LPP: variants seen among roughly 807,000 people sequenced by gnomAD.
The protein encoded by LPP is lipoma-preferred partner.
Under a neutral mutation model 60.4 loss-of-function variants are expected in LPP, and 38 were observed. The observed-to-expected ratio is 0.63, with a 90% CI of 0.49 to 0.83. The LOEUF is 0.83. Among genes scored for constraint, LPP ranks in the 40% least tolerant of loss-of-function variants. LPP has a pLI of 0.00. For synonymous variants in LPP, 328 were observed against 290.8 expected, an observed-to-expected ratio of 1.13 and a Z score of -1.30; for missense variants, 902 against 783.6, an observed-to-expected ratio of 1.15 and a Z score of -1.80.
chr3:188,616,520 G>A (rs1329927288), intron 7 of LPP, among the ~76,000 whole-genome samples: 1 of 152,146 alleles, frequency 6.6e-6, no homozygotes, highest in African/African-American at 2.4e-5. Context: ...CAGGTAGCAT[G>A]ATGCCTCCAG....
intron 7 of LPP, among the ~76,000 whole-genome samples, chr3:188,692,555 A>G (rs935747320): frequency 6.6e-6 from 1 of 152,192 alleles, no homozygotes; most frequent in Non-Finnish European, 1.5e-5. Flanking sequence ...CTCCTGAGCT[A>G]CAACCATCTC....
At chr3:188,874,086 C>A (rs1404055933) in intron 11 of LPP, among the ~76,000 whole-genome samples, 2 of 152,112 alleles carry the variant, frequency 1.3e-5, no homozygotes, top group African/African-American at 4.8e-5. Flanking sequence ...CTTCTTATAC[C>A]TGTATTTCAT....
At chr3:188,203,582 T>TATATATATTTAAATATATATAA (rs1254675175) in intron 1 of LPP, among the ~76,000 whole-genome samples, 4 of 107,674 alleles carry the variant, frequency 3.7e-5, no homozygotes, top group African/African-American at 1.5e-4. Flanking sequence ...TATTTAAATA[T>TATATATATTTAAATATATATAA]ATATATATTT....
chr3:188,203,200 A>G (rs1224388583), intron 1 of LPP, among the ~76,000 whole-genome samples: 2 of 134,630 alleles, frequency 1.5e-5, no homozygotes, highest in Non-Finnish European at 1.5e-5. Flanking sequence ...TATATTATAT[A>G]TATTAAATTA....
chr3:188,374,904 T>C (rs1354482681), intron 3 of LPP, among the ~76,000 whole-genome samples: 2 of 151,816 alleles, frequency 1.3e-5, no homozygotes, highest in Non-Finnish European at 2.9e-5. Context: ...TTATTGAGAG[T>C]TTTTAGCATG....
rs886111314 is a variant in LPP at position 188,608,409 on chromosome 3, A to C, written c.430-752A>C. 2.6e-5 allele frequency among the ~76,000 whole-genome samples: 4 copies of C among 152,118 alleles called. No homozygotes were observed. The East Asian group carries it at 7.7e-4, about 29-fold the overall frequency. Reference sequence around the variant, plus strand: ...TTGTATGTGTATTTCTAGTTTCCCTAACATCATCTATTGAAGAAATTTTCT... The same window carrying C: ...TTGTATGTGTATTTCTAGTTTCCCTCACATCATCTATTGAAGAAATTTTCT... On this transcript the variant is annotated intron_variant, in intron 6 of 11. Coordinates refer to ENST00000617246, the MANE Select transcript of LPP (RefSeq NM_001375462.1).
At chr3:188,450,420 T>C (rs941137651) in intron 4 of LPP, among the ~76,000 whole-genome samples, 2 of 152,148 alleles carry the variant, frequency 1.3e-5, no homozygotes, top group Admixed American at 1.3e-4. Flanking sequence ...TTAATTCACA[T>C]TTATCTATAT....
intron 3 of LPP, among the ~76,000 whole-genome samples, chr3:188,383,518 A>C (rs1007961344): frequency 1.3e-5 from 2 of 152,198 alleles, no homozygotes; most frequent in Non-Finnish European, 2.9e-5. Flanking sequence ...ATGTCTTTGC[A>C]GTTTCTTCAG....
intron 7 of LPP, among the ~76,000 whole-genome samples, chr3:188,678,319 T>C (rs1428564887): frequency 6.6e-6 from 1 of 152,232 alleles, no homozygotes; most frequent in Non-Finnish European, 1.5e-5. Flanking sequence ...TAATGTAGCT[T>C]TATACAGCTC....
At chr3:188,226,385 T>G (rs1717778687) in intron 2 of LPP, among the ~76,000 whole-genome samples, 1 of 152,162 alleles carries the variant, frequency 6.6e-6, no homozygotes, top group South Asian at 2.1e-4. Flanking sequence ...GCCTTTGTTT[T>G]AAAGGGCCTG....
At chr3:188,545,162 C>T (rs575265002) in intron 6 of LPP, among the ~76,000 whole-genome samples, 32 of 119,748 alleles carry the variant, frequency 2.7e-4, no homozygotes, top group Admixed American at 1.2e-3. Flanking sequence ...CTAGATGACA[C>T]GTTAGTGGGT....
chr3:188,537,656 ATTG>A (rs2150347400), intron 6 of LPP, among the ~76,000 whole-genome samples: 1 of 152,316 alleles, frequency 6.6e-6, no homozygotes, highest in Admixed American at 6.5e-5. Flanking sequence ...AAGATGTAAT[ATTG>A]TTAAGTGGGA....
At chr3:188,491,750 A>T (rs889957668) in intron 5 of LPP, among the ~76,000 whole-genome samples, 10 of 152,162 alleles carry the variant, frequency 6.6e-5, no homozygotes, top group Non-Finnish European at 1.5e-4. Context: ...TTTTGCTCTT[A>T]ATCATCATCT....
intron 9 of LPP, among the ~76,000 whole-genome samples, chr3:188,832,143 A>C (rs1757288304): frequency 6.6e-6 from 1 of 152,186 alleles, no homozygotes; most frequent in Admixed American, 6.5e-5. Context: ...ACTTGCTTCT[A>C]ATCAATAGAA....
intron 7 of LPP, among the ~76,000 whole-genome samples, chr3:188,622,095 G>A (rs1008977666): frequency 1.3e-5 from 2 of 152,106 alleles, no homozygotes; most frequent in African/African-American, 4.8e-5. Context: ...ATTCTTCTAA[G>A]CAGCTAGAGA....
chr3:188,440,690 C>T (rs1793556593), intron 4 of LPP, among the ~76,000 whole-genome samples: 1 of 152,070 alleles, frequency 6.6e-6, no homozygotes, highest in Admixed American at 6.6e-5. Flanking sequence ...CCAATTTTAC[C>T]ATAGGTTATC....
At chr3:188,443,756 G>T (rs577110170) in intron 4 of LPP, among the ~76,000 whole-genome samples, 1 of 152,318 alleles carries the variant, frequency 6.6e-6, no homozygotes, top group South Asian at 2.1e-4. Flanking sequence ...CCATGTGCCT[G>T]ACAGGAAAGA....
chr3:188,556,165 T>C (rs1829416342), intron 6 of LPP, among the ~76,000 whole-genome samples: 1 of 152,132 alleles, frequency 6.6e-6, no homozygotes, highest in Non-Finnish European at 1.5e-5. Context: ...GTTACTCTTC[T>C]GAGCTATTTG....
intron 9 of LPP, among the ~76,000 whole-genome samples, chr3:188,809,896 T>A (rs1750374171): frequency 6.6e-6 from 1 of 152,196 alleles, no homozygotes; most frequent in African/African-American, 2.4e-5. Context: ...GTTTTCTGCA[T>A]ATGGCTAGCC....
Sources: gnomAD v4.1 joint callset for allele counts (sites outside exome capture counted in the v4.1 genomes callset) on GRCh38, gnomAD v4.1.1 for gene constraint, MANE v1.5 for transcripts, NCBI Gene and HGNC (gene_info 2026-07-23, HGNC 2026-07-21) for gene names.